The following SEMA6D variants were observed in gnomAD, a reference collection of about 807,000 sequenced individuals.
The protein encoded by SEMA6D is semaphorin 6D.
SEMA6D carries 35 observed loss-of-function variants against 106.6 expected under a neutral mutation model. The observed-to-expected ratio is 0.33, with a 90% CI of 0.25 to 0.44. SEMA6D has a LOEUF of 0.44. Among genes scored for constraint, SEMA6D ranks in the 20% least tolerant of loss-of-function variants. SEMA6D has a pLI of 1.00. For missense variants in SEMA6D, 1,185 were observed against 1,345.9 expected, an observed-to-expected ratio of 0.88 and a Z score of 1.87; for synonymous variants, 499 against 487.7, an observed-to-expected ratio of 1.02 and a Z score of -0.31.
At chr15:47,193,562 G>C (rs1365636534) in intron 1 of SEMA6D, among the ~76,000 whole-genome samples, 1 of 152,096 alleles carries the variant, frequency 6.6e-6, no homozygotes, top group African/African-American at 2.4e-5. Flanking sequence ...ACCATCCAAA[G>C]GCTTCTCATT....
rs184650944 is a variant in SEMA6D at position 47,741,483 on chromosome 15, G to A, written c.-54-18262G>A. 1.7e-3 allele frequency among the ~76,000 whole-genome samples: 262 copies of A among 152,340 alleles called. 4 individuals carry two copies. The highest frequency in any genetic ancestry group is 2.8e-3 in the Non-Finnish European group (191 of 68,032). On this transcript the variant is annotated intron_variant, in intron 1 of 18. Transcript: ENST00000536845. ...TGTAATCCCAACACTTTGGGAGGCCGAGGCGGGCAGATCACCTGAGGTCGG... is the reference window on the plus strand; with the variant it reads ...TGTAATCCCAACACTTTGGGAGGCCAAGGCGGGCAGATCACCTGAGGTCGG...
intron 1 of SEMA6D, among the ~76,000 whole-genome samples, chr15:47,319,908 A>G (rs948627500): frequency 1.3e-5 from 2 of 152,080 alleles, no homozygotes; most frequent in Non-Finnish European, 2.9e-5. Flanking sequence ...TTGGCAATTC[A>G]TCAATTACAG....
chr15:47,201,906 A>G lies in SEMA6D; in HGVS notation c.-239+17488A>G, dbSNP rs190559210. ...TGCCTTATTCCTGATGTCAGTTCCC[A>G]CACTTTGCCTAATAAAAAACCTCTG... On this transcript the variant is annotated intron_variant, in intron 1 of 19. Transcript: ENST00000558014. Among the ~76,000 whole-genome samples, 61 of 152,032 alleles carry G rather than the reference A, an allele frequency of 4.0e-4. 1 individual carries two copies. The East Asian group carries it at 8.9e-3, about 22-fold the overall frequency.
At chr15:47,203,396 G>T (rs1595734789) in intron 1 of SEMA6D, among the ~76,000 whole-genome samples, 1 of 152,176 alleles carries the variant, frequency 6.6e-6, no homozygotes, top group South Asian at 2.1e-4. Context: ...AAAGAGAAGA[G>T]ACTGGAAGTC....
chr15:47,550,581 A>G (rs908821427), intron 3 of SEMA6D, among the ~76,000 whole-genome samples: 5 of 152,144 alleles, frequency 3.3e-5, no homozygotes, highest in Admixed American at 2.6e-4. Context: ...ATTCATCTCC[A>G]TGGCTGATCC....
At chr15:47,502,619 C>T (rs769019148) in intron 3 of SEMA6D, among the ~76,000 whole-genome samples, 4 of 152,190 alleles carry the variant, frequency 2.6e-5, no homozygotes, top group East Asian at 1.9e-4. Context: ...ATGACAAGGG[C>T]ATGTCATATC....
At chr15:47,442,311 A>C (rs1258247234) in intron 2 of SEMA6D, among the ~76,000 whole-genome samples, 2 of 152,100 alleles carry the variant, frequency 1.3e-5, no homozygotes, top group Non-Finnish European at 2.9e-5. Context: ...GCAGTGGGCT[A>C]TAACCACCCT....
intron 13 of SEMA6D, 116 bp from the exon 14 acceptor site, chr15:47,765,753 T>C: frequency 1.0e-6 from 1 of 974,634 alleles, no homozygotes; most frequent in Admixed American, 3.0e-5. Flanking sequence ...AGCTATGTAC[T>C]TGCCTGGTTT....
chr15:47,472,544 C>T (rs538112051), intron 3 of SEMA6D, among the ~76,000 whole-genome samples: 1 of 152,172 alleles, frequency 6.6e-6, no homozygotes, highest in Admixed American at 6.5e-5. Context: ...GCTTTGTGGC[C>T]AAAGAGAACT....
At chr15:47,538,476 A>G (rs530477834) in intron 3 of SEMA6D, among the ~76,000 whole-genome samples, 86 of 152,304 alleles carry the variant, frequency 5.6e-4, no homozygotes, top group African/African-American at 2.0e-3. Context: ...TAAAAATTCA[A>G]ACGAAGTCCC....
intron 3 of SEMA6D, among the ~76,000 whole-genome samples, chr15:47,517,272 T>C (rs1390725879): frequency 6.6e-6 from 1 of 152,050 alleles, no homozygotes; most frequent in African/African-American, 2.4e-5. Context: ...GTTTTCAAGA[T>C]GGGTATGTTA....
chr15:47,385,568 T>C (rs1310662425), intron 1 of SEMA6D, among the ~76,000 whole-genome samples: 1 of 152,220 alleles, frequency 6.6e-6, no homozygotes, highest in Non-Finnish European at 1.5e-5. Context: ...TGTGTGTTCA[T>C]ACGCATCTGA....
chr15:47,722,721 A>G (rs2079496141), intron 1 of SEMA6D, among the ~76,000 whole-genome samples: 1 of 152,228 alleles, frequency 6.6e-6, no homozygotes, highest in Non-Finnish European at 1.5e-5. Context: ...GAAATCAGCC[A>G]CAAAACATCT....
At chr15:47,365,399 G>A (rs1409203281) in intron 1 of SEMA6D, among the ~76,000 whole-genome samples, 1 of 152,062 alleles carries the variant, frequency 6.6e-6, no homozygotes, top group African/African-American at 2.4e-5. Context: ...CACCCCCACT[G>A]CAGCCCAAAG....
intron 4 of SEMA6D, among the ~76,000 whole-genome samples, chr15:47,601,481 G>T (rs1566925331): frequency 1.3e-5 from 2 of 152,162 alleles, no homozygotes. Context: ...GAATGCATTT[G>T]ATGTGCACCA....
intron 1 of SEMA6D, among the ~76,000 whole-genome samples, chr15:47,229,430 A>T (rs1252027110): frequency 6.6e-6 from 1 of 151,994 alleles, no homozygotes; most frequent in African/African-American, 2.4e-5. Flanking sequence ...TGGATAATAC[A>T]TACTGAAATT....
chr15:47,395,971 A>G (rs908982442), intron 1 of SEMA6D, among the ~76,000 whole-genome samples: 2 of 152,190 alleles, frequency 1.3e-5, no homozygotes, highest in Non-Finnish European at 2.9e-5. Context: ...AGAGGTAATA[A>G]GAATCAGATG....
At chr15:47,368,550 A>C (rs1443008292) in intron 1 of SEMA6D, among the ~76,000 whole-genome samples, 1 of 151,798 alleles carries the variant, frequency 6.6e-6, no homozygotes, top group Admixed American at 6.6e-5. Flanking sequence ...GGCTCACTGC[A>C]AGCTCCGCCT....
chr15:47,429,329 G>A lies in SEMA6D; in HGVS notation c.-159+16857G>A, dbSNP rs543690134. On this transcript the variant is annotated intron_variant, in intron 2 of 19. Transcript: ENST00000558014. ...GAGGTGCTTTCTTTTTAGCATTCTT[G>A]TAAGAATTAAAAAAGGTTTGGGAAG... Among the ~76,000 whole-genome samples, 7 of 152,204 alleles carry A rather than the reference G, an allele frequency of 4.6e-5. No homozygotes were observed. The South Asian group carries it at 1.2e-3, about 27-fold the overall frequency.
Sources: gnomAD v4.1 joint callset for allele counts (sites outside exome capture counted in the v4.1 genomes callset) on GRCh38, gnomAD v4.1.1 for gene constraint, MANE v1.5 for transcripts, NCBI Gene and HGNC (gene_info 2026-07-23, HGNC 2026-07-21) for gene names.